CTDSPL2: variants seen among roughly 807,000 people sequenced by gnomAD.
CTDSPL2 encodes the protein CTD small phosphatase-like protein 2.
CTDSPL2 carries 5 observed loss-of-function variants against 60.0 expected under a neutral mutation model. That is an observed-to-expected ratio of 0.08 (90% CI 0.04 to 0.18). The LOEUF (loss-of-function observed/expected upper bound fraction) is 0.18. CTDSPL2 is among the 10% of genes least tolerant of loss of function. The probability of loss-of-function intolerance (pLI) is 1.00; values close to 1 mark genes in which losing one functional copy is unlikely to be tolerated. For synonymous variants in CTDSPL2, 186 were observed against 189.3 expected (o/e 0.98, Z 0.14); for missense variants, 370 against 548.8 (o/e 0.67, Z 3.26).
chr15:44,471,105 T>G (rs562732417), intron 2 of CTDSPL2, among the ~76,000 whole-genome samples: 1 of 152,306 alleles, frequency 6.6e-6, no homozygotes, highest in East Asian at 1.9e-4. Flanking sequence ...TTATAATCAG[T>G]TTATCTTGCT....
At chr15:44,496,020 ATTACCCC>A (rs1246545118) in intron 5 of CTDSPL2, among the ~76,000 whole-genome samples, 1 of 152,166 alleles carries the variant, frequency 6.6e-6, no homozygotes, top group Non-Finnish European at 1.5e-5. Flanking sequence ...TTTATGAACT[ATTACCCC>A]TATAAGAGCA....
chr15:44,431,828 C>T (rs1218503645), intron 1 of CTDSPL2, among the ~76,000 whole-genome samples: 2 of 151,554 alleles, frequency 1.3e-5, no homozygotes, highest in Non-Finnish European at 2.9e-5. Flanking sequence ...AGCCATTCTC[C>T]TGCCTCAGCC....
intron 2 of CTDSPL2, among the ~76,000 whole-genome samples, chr15:44,483,493 A>T (rs2081066927): frequency 6.6e-6 from 1 of 151,960 alleles, no homozygotes; most frequent in Non-Finnish European, 1.5e-5. Flanking sequence ...AGCCAAGATC[A>T]CACCACTGCA....
chr15:44,526,222 C>T lies in CTDSPL2; in HGVS notation c.*2048C>T, dbSNP rs889205051. On this transcript the variant is annotated 3_prime_UTR_variant, in exon 13 of 13. Transcript: ENST00000260327. ...AAATTGTGAACCTAGTTACATTTCT[C>T]CCTGCTCCCTTCCTTTTTATGCTCA... is the stretch of plus-strand genomic sequence containing the variant. 6.6e-5 allele frequency: 10 copies of T among 152,088 alleles called. No homozygotes were observed. The highest frequency in any genetic ancestry group is 2.4e-5 in the African/African-American group (1 of 41,440). The allele number at this position is 152,088 out of a possible 1,614,324, so 9.4% of individuals were successfully genotyped here.
At chr15:44,474,490 C>G (rs578232909) in intron 2 of CTDSPL2, among the ~76,000 whole-genome samples, 1 of 151,876 alleles carries the variant, frequency 6.6e-6, no homozygotes, top group East Asian at 2.0e-4. Flanking sequence ...ACTCTGTCGT[C>G]TTTGTTTTAA....
chr15:44,504,532 AC>A (rs2081427454), intron 8 of CTDSPL2, among the ~76,000 whole-genome samples: 1 of 152,126 alleles, frequency 6.6e-6, no homozygotes, highest in South Asian at 2.1e-4. Flanking sequence ...ATTGATACTA[AC>A]CAACATGCAC....
chr15:44,431,891 ATTT>A (rs899552528), intron 1 of CTDSPL2, among the ~76,000 whole-genome samples: 1 of 149,698 alleles, frequency 6.7e-6, no homozygotes, highest in Non-Finnish European at 1.5e-5. Context: ...CTAACTTTGT[ATTT>A]TTTTTCTTTA....
At chr15:44,454,329 C>T (rs1283332445) in intron 1 of CTDSPL2, among the ~76,000 whole-genome samples, 1 of 152,058 alleles carries the variant, frequency 6.6e-6, no homozygotes, top group Non-Finnish European at 1.5e-5. Flanking sequence ...GATATTAGCC[C>T]TTTGTCAGAT....
At chr15:44,511,697 G>A (rs1249879381) in intron 8 of CTDSPL2, among the ~76,000 whole-genome samples, 3 of 151,524 alleles carry the variant, frequency 2.0e-5, no homozygotes, top group African/African-American at 4.8e-5. Flanking sequence ...GGTGAAAACC[G>A]TCTCTATTAA....
chr15:44,458,257 A>G (rs2080489758), intron 1 of CTDSPL2, among the ~76,000 whole-genome samples: 1 of 152,218 alleles, frequency 6.6e-6, no homozygotes, highest in African/African-American at 2.4e-5. Flanking sequence ...TTCGTTTAGT[A>G]TTCTTTGTAT....
At chr15:44,514,446 A>C (rs2081616615) in intron 8 of CTDSPL2, 152 bp from the exon 9 acceptor site, 1 of 603,348 alleles carries the variant, frequency 1.7e-6, no homozygotes. Context: ...TATGTGAAAT[A>C]TACTTGGTTT....
chr15:44,495,161 G>T (rs2081277467), intron 5 of CTDSPL2, among the ~76,000 whole-genome samples: 1 of 151,990 alleles, frequency 6.6e-6, no homozygotes, highest in African/African-American at 2.4e-5. Context: ...ATAGAAATGG[G>T]GTTTCTCCAT....
intron 1 of CTDSPL2, among the ~76,000 whole-genome samples, chr15:44,432,636 T>C (rs534913668): frequency 6.6e-6 from 1 of 151,540 alleles, no homozygotes; most frequent in South Asian, 2.1e-4. Context: ...TATTATTTTT[T>C]TGAAACAGAG....
intron 1 of CTDSPL2, among the ~76,000 whole-genome samples, chr15:44,430,154 C>CA (rs1378199128): frequency 1.3e-5 from 2 of 152,200 alleles, no homozygotes; most frequent in African/African-American, 4.8e-5. Flanking sequence ...TATTATATAA[C>CA]AGAGTCCATC....
At chr15:44,438,597 A>T (rs541041987) in intron 1 of CTDSPL2, among the ~76,000 whole-genome samples, 69 of 152,250 alleles carry the variant, frequency 4.5e-4, no homozygotes, top group African/African-American at 1.6e-3. Flanking sequence ...TGTGATGAAG[A>T]ATATATTAGG....
intron 2 of CTDSPL2, among the ~76,000 whole-genome samples, chr15:44,461,176 T>C (rs973064295): frequency 6.6e-6 from 1 of 152,222 alleles, no homozygotes; most frequent in African/African-American, 2.4e-5. Flanking sequence ...AAGATAGGTT[T>C]TTGTTATGTC....
At chr15:44,427,976 A>C (rs1404479864) in intron 1 of CTDSPL2, 2 of 317,620 alleles carry the variant, frequency 6.3e-6, no homozygotes, top group South Asian at 3.2e-4. Context: ...ACAGAAAGGG[A>C]GCTCACTTCC....
Position 44,466,687 on chromosome 15 carries a change from A to G in CTDSPL2, c.186+7487A>G, listed in dbSNP as rs4923977. Among the ~76,000 whole-genome samples the G allele has an allele frequency of 8.3e-3, 1,264 of 151,998 alleles. 20 individuals carry two copies. The highest frequency in any genetic ancestry group is 0.029 in the African/African-American group (1,199 of 41,476). ...TGGCCGGGCGCGGTGGCTCATGCCT[A>G]TAATCCCAGCACTTTGGGAGGCCGA... is the stretch of plus-strand genomic sequence containing the variant. On this transcript the variant is annotated intron_variant, in intron 2 of 12. Coordinates refer to ENST00000260327, the MANE Select transcript of CTDSPL2 (RefSeq NM_016396.3).
rs141605871 is a variant in CTDSPL2 at position 44,492,402 on chromosome 15, G to A, written c.691+1403G>A. ...GAAATATAATATACAGATGGTTCCT[G>A]AGTTACAGTGGTTCAACTTCCAATT... is the stretch of plus-strand genomic sequence containing the variant. On this transcript the variant is annotated intron_variant, in intron 5 of 12. Coordinates refer to ENST00000260327, the MANE Select transcript of CTDSPL2 (RefSeq NM_016396.3). 7.9e-5 allele frequency among the ~76,000 whole-genome samples: 12 copies of A among 152,304 alleles called. No homozygotes were observed. In the East Asian group the frequency reaches 2.1e-3, roughly 27 times the overall value.
Sources: allele counts gnomAD v4.1 joint callset (sites outside exome capture counted in the v4.1 genomes callset), GRCh38; gene constraint gnomAD v4.1.1; transcripts MANE v1.5; gene names NCBI Gene and HGNC (gene_info 2026-07-23, HGNC 2026-07-21).